The following RTN4 variants were observed in gnomAD, a reference collection of about 807,000 sequenced individuals.
RTN4 encodes the protein reticulon-4.
In RTN4, 32 loss-of-function variants were observed where a neutral mutation model predicts 90.4. That is an observed-to-expected ratio of 0.35 (90% CI 0.27 to 0.48). The LOEUF is 0.48. Ranked by LOEUF, RTN4 falls within the 20% of genes least tolerant of loss-of-function variation. The pLI is 0.99. For missense variants in RTN4, 1,706 were observed against 1,430.2 expected, an observed-to-expected ratio of 1.19 and a Z score of -3.11; for synonymous variants, 629 against 552.5, an observed-to-expected ratio of 1.14 and a Z score of -1.94.
At chr2:55,010,018 A>G (rs1440444405) in intron 3 of RTN4, 1 of 1,537,424 alleles carries the variant, frequency 6.5e-7, no homozygotes, top group Non-Finnish European at 8.9e-7. Context: ...TAAATTCCAA[A>G]GCTTATTCAT....
At chr2:54,980,089 C>T (rs1289999935) in intron 5 of RTN4, among the ~76,000 whole-genome samples, 1 of 152,194 alleles carries the variant, frequency 6.6e-6, no homozygotes, top group African/African-American at 2.4e-5. Context: ...TTAGCAGTCA[C>T]TCAATGCAAG....
intron 1 of RTN4, among the ~76,000 whole-genome samples, chr2:55,043,074 T>C (rs1683181517): frequency 6.6e-6 from 1 of 152,216 alleles, no homozygotes; most frequent in African/African-American, 2.4e-5. Context: ...GATGATGGCA[T>C]TAGTCTGAGA....
intron 1 of RTN4, among the ~76,000 whole-genome samples, chr2:55,037,825 G>A (rs10175952): frequency 1.3e-5 from 2 of 151,854 alleles, no homozygotes; most frequent in Middle Eastern, 3.2e-3. Flanking sequence ...AAATACTAAG[G>A]GACCTAGAAG....
intron 1 of RTN4, among the ~76,000 whole-genome samples, chr2:55,090,209 C>A (rs575091230): frequency 1.3e-5 from 2 of 152,000 alleles, no homozygotes; most frequent in Non-Finnish European, 2.9e-5. Context: ...CCAGTATCTG[C>A]GAATAGGAGG....
At chr2:55,046,557 G>A (rs1667747069) in intron 1 of RTN4, among the ~76,000 whole-genome samples, 1 of 152,068 alleles carries the variant, frequency 6.6e-6, no homozygotes, top group Admixed American at 6.6e-5. Flanking sequence ...CATTCTCTAT[G>A]CCATTATCCT....
chr2:55,092,933 A>G (rs1261734395), intron 1 of RTN4, among the ~76,000 whole-genome samples: 1 of 152,232 alleles, frequency 6.6e-6, no homozygotes, highest in African/African-American at 2.4e-5. Context: ...CCAATGGGTA[A>G]AACTTTTTTG....
chr2:55,133,020 T>C, the RTN4 span, among the ~76,000 whole-genome samples: 1 of 151,700 alleles, frequency 6.6e-6, no homozygotes, highest in African/African-American at 2.4e-5. Flanking sequence ...AAGATCATCC[T>C]GACCAACATG....
At chr2:55,005,171 T>A (rs1482850139) in intron 3 of RTN4, among the ~76,000 whole-genome samples, 1 of 152,298 alleles carries the variant, frequency 6.6e-6, no homozygotes, top group East Asian at 1.9e-4. Context: ...AAACTTCATT[T>A]GAAAAGTAAG....
At chr2:55,137,481 G>A in the RTN4 span, among the ~76,000 whole-genome samples, 15 of 152,154 alleles carry the variant, frequency 9.9e-5, no homozygotes, top group African/African-American at 3.6e-4. Context: ...ATTCCGGAGC[G>A]TTCGGAAGCA....
chr2:55,101,791 C>A (rs572642135), intron 1 of RTN4, among the ~76,000 whole-genome samples: 117 of 152,150 alleles, frequency 7.7e-4, no homozygotes, highest in Non-Finnish European at 1.4e-3. Flanking sequence ...AAACAATAAG[C>A]AAATTAATTA....
intron 1 of RTN4, among the ~76,000 whole-genome samples, chr2:55,040,167 C>A (rs2104935444): frequency 6.6e-6 from 1 of 152,154 alleles, no homozygotes; most frequent in Non-Finnish European, 1.5e-5. Context: ...CAATAATTCA[C>A]CTATGCAAGC....
chr2:55,038,309 C>A (rs534739146), intron 1 of RTN4, among the ~76,000 whole-genome samples: 1 of 151,794 alleles, frequency 6.6e-6, no homozygotes, highest in Non-Finnish European at 1.5e-5. Flanking sequence ...TTATACTCAT[C>A]AAAAGAATCA....
intron 5 of RTN4, among the ~76,000 whole-genome samples, chr2:54,981,831 G>A (rs894585329): frequency 3.7e-5 from 2 of 54,776 alleles, no homozygotes; most frequent in Non-Finnish European, 7.4e-5. Flanking sequence ...GTGCTAGACT[G>A]TAAAGCAAAG....
chr2:55,000,591 A>G (rs1200625258), intron 3 of RTN4, among the ~76,000 whole-genome samples: 4 of 152,220 alleles, frequency 2.6e-5, no homozygotes, highest in Admixed American at 2.6e-4. Flanking sequence ...CCTCGAATCC[A>G]TAACAACTCT....
intron 4 of RTN4, among the ~76,000 whole-genome samples, chr2:54,984,682 T>TA (rs1172542475): frequency 6.6e-6 from 1 of 152,250 alleles, no homozygotes; most frequent in African/African-American, 2.4e-5. Flanking sequence ...CCACAGGTAT[T>TA]AGATACAAAC....
the RTN4 span, among the ~76,000 whole-genome samples, chr2:55,121,595 T>C: frequency 6.6e-5 from 10 of 152,214 alleles, no homozygotes; most frequent in African/African-American, 2.4e-4. Flanking sequence ...CAGAATTTTC[T>C]GGGAAGCATG....
chr2:55,086,483 T>G (rs1668840052), intron 1 of RTN4, among the ~76,000 whole-genome samples: 1 of 114,752 alleles, frequency 8.7e-6, no homozygotes, highest in African/African-American at 3.3e-5. Flanking sequence ...CAACATAGCC[T>G]GATCTAATCT....
chr2:54,977,880 G>A (rs1050906395), intron 5 of RTN4, among the ~76,000 whole-genome samples: 2 of 152,174 alleles, frequency 1.3e-5, no homozygotes, highest in Non-Finnish European at 2.9e-5. Flanking sequence ...TGCAGAACAT[G>A]TCTTATTTTT....
the RTN4 span, among the ~76,000 whole-genome samples, chr2:55,128,952 C>CA: frequency 1.3e-5 from 2 of 151,356 alleles, no homozygotes; most frequent in South Asian, 2.1e-4. Flanking sequence ...AATAAAAATA[C>CA]AAAAAATTAG....
Sources: gnomAD v4.1 joint callset for allele counts (sites outside exome capture counted in the v4.1 genomes callset) on GRCh38, gnomAD v4.1.1 for gene constraint, MANE v1.5 for transcripts, NCBI Gene and HGNC (gene_info 2026-07-23, HGNC 2026-07-21) for gene names.